JAKMIP2: variants seen among roughly 807,000 people sequenced by gnomAD.
JAKMIP2 encodes the protein janus kinase and microtubule interacting protein 2.
In JAKMIP2, 25 loss-of-function variants were observed where a neutral mutation model predicts 115.0. That is an observed-to-expected ratio of 0.22 (90% CI 0.16 to 0.30). JAKMIP2 has a LOEUF of 0.30. Ranked by LOEUF, JAKMIP2 falls within the 10% of genes least tolerant of loss-of-function variation. The probability of loss-of-function intolerance (pLI) is 1.00; values close to 1 mark genes in which losing one functional copy is unlikely to be tolerated. For missense variants in JAKMIP2, 642 were observed against 957.6 expected (o/e 0.67, Z 4.35); for synonymous variants, 334 against 343.6 (o/e 0.97, Z 0.31).
intron 1 of JAKMIP2, among the ~76,000 whole-genome samples, chr5:147,764,889 G>GGAAAGAAAGAAAGAAAGAAA (rs758768756): frequency 2.5e-4 from 15 of 60,516 alleles, no homozygotes; most frequent in African/African-American, 9.9e-4. Context: ...TGTCTAAAAG[G>GGAAAGAAAGAAAGAAAGAAA]GAAAGAAAGA....
chr5:147,689,402 A>G (rs563286634), intron 1 of JAKMIP2, among the ~76,000 whole-genome samples: 7 of 152,316 alleles, frequency 4.6e-5, no homozygotes, highest in African/African-American at 1.4e-4. Context: ...TAGTAAAAGG[A>G]GAAGACTGAG....
chr5:147,779,892 A>G (rs1755695078), intron 1 of JAKMIP2, among the ~76,000 whole-genome samples: 1 of 152,164 alleles, frequency 6.6e-6, no homozygotes, highest in Non-Finnish European at 1.5e-5. Context: ...GCTTTATCTG[A>G]TTAGCCAGTT....
At position 147,690,104 on chromosome 5, in the gene JAKMIP2, T is replaced by C. The variant is rs147154498; in HGVS notation, c.-148-18150A>G. 2.5e-3 allele frequency among the ~76,000 whole-genome samples: 385 copies of C among 152,198 alleles called. 3 individuals are homozygous for C. Among genetic ancestry groups the C allele is most frequent in the African/African-American group, 8.6e-3 (359 of 41,534 alleles). On this transcript the variant is annotated intron_variant, in intron 1 of 21. Transcript: ENST00000616793. Reference sequence around the variant, plus strand: ...GTGGCTCACACCAGTAATCCCAGCATTTTTGGAGGCTGAGGCGAGGGGATC... The same window carrying C: ...GTGGCTCACACCAGTAATCCCAGCACTTTTGGAGGCTGAGGCGAGGGGATC...
intron 1 of JAKMIP2, among the ~76,000 whole-genome samples, chr5:147,690,254 GC>G (rs1760764777): frequency 6.6e-6 from 1 of 151,932 alleles, no homozygotes; most frequent in African/African-American, 2.4e-5. Context: ...AATCACTTGA[GC>G]CCAGAAGGTT....
intron 1 of JAKMIP2, among the ~76,000 whole-genome samples, chr5:147,683,794 C>A (rs192214322): frequency 1.3e-4 from 20 of 151,964 alleles, no homozygotes; most frequent in African/African-American, 4.8e-4. Context: ...TTAAAAAAGG[C>A]AGAACAATTT....
intron 17 of JAKMIP2, among the ~76,000 whole-genome samples, chr5:147,621,703 A>T (rs1392202764): frequency 6.6e-6 from 1 of 152,230 alleles, no homozygotes; most frequent in Non-Finnish European, 1.5e-5. Flanking sequence ...TTGACATTGG[A>T]GCCTAACCTC....
chr5:147,598,694 G>A (rs1302075289), intron 21 of JAKMIP2, among the ~76,000 whole-genome samples: 3 of 152,048 alleles, frequency 2.0e-5, no homozygotes, highest in South Asian at 2.1e-4. Flanking sequence ...GGGAGCGTTC[G>A]ATGGCTTCTA....
At chr5:147,764,758 C>T (rs1263584407) in intron 1 of JAKMIP2, among the ~76,000 whole-genome samples, 5 of 151,070 alleles carry the variant, frequency 3.3e-5, no homozygotes, top group Admixed American at 2.6e-4. Flanking sequence ...TGGTGGCACA[C>T]ACCTGTAGTC....
At chr5:147,666,334 CTGAG>C (rs1481631837) in intron 2 of JAKMIP2, among the ~76,000 whole-genome samples, 1 of 151,810 alleles carries the variant, frequency 6.6e-6, no homozygotes, top group Non-Finnish European at 1.5e-5. Flanking sequence ...TAAACTATTC[CTGAG>C]TAACAATGAA....
At chr5:147,736,502 A>G (rs1753930408) in intron 1 of JAKMIP2, among the ~76,000 whole-genome samples, 1 of 152,108 alleles carries the variant, frequency 6.6e-6, no homozygotes, top group South Asian at 2.1e-4. Context: ...TTTTCTTTCA[A>G]TCATTGCCAG....
intron 12 of JAKMIP2, among the ~76,000 whole-genome samples, chr5:147,633,167 T>C (rs1184375692): frequency 1.3e-5 from 2 of 152,242 alleles, no homozygotes; most frequent in Non-Finnish European, 2.9e-5. Context: ...CAGAAATTTT[T>C]TTTAACAGCT....
chr5:147,664,012 T>G (rs1394385375), intron 2 of JAKMIP2, among the ~76,000 whole-genome samples: 2 of 152,232 alleles, frequency 1.3e-5, no homozygotes, highest in Non-Finnish European at 2.9e-5. Flanking sequence ...GTAAAATATC[T>G]CCTTTATCGT....
At chr5:147,663,678 A>G (rs1759146889) in intron 2 of JAKMIP2, among the ~76,000 whole-genome samples, 1 of 152,188 alleles carries the variant, frequency 6.6e-6, no homozygotes, top group Non-Finnish European at 1.5e-5. Flanking sequence ...CTAGAACAGT[A>G]TTTTCTAAGT....
At chr5:147,721,357 T>G (rs1031461321) in intron 1 of JAKMIP2, among the ~76,000 whole-genome samples, 6 of 152,360 alleles carry the variant, frequency 3.9e-5, no homozygotes, top group Non-Finnish European at 8.8e-5. Context: ...CAAGCCTCCT[T>G]GAGCTGTGGT....
rs148652061 is a variant in JAKMIP2, at chr5:147,712,139, T to C, written c.-148-40185A>G. On this transcript the variant is annotated intron_variant, in intron 1 of 21. Coordinates refer to ENST00000616793, the MANE Select transcript of JAKMIP2 (RefSeq NM_001270941.2). ...GTTTTCAGATCCAAATATCCCACAT[T>C]CTCACCTTGGCTTTGCCGCCTGTCT... Among the ~76,000 whole-genome samples the C allele has an allele frequency of 4.9e-3, 753 of 152,304 alleles. 16 individuals are homozygous for C. Among genetic ancestry groups the C allele is most frequent in the African/African-American group, 0.016 (668 of 41,570 alleles).
chr5:147,672,268 T>A (rs1349540335), intron 1 of JAKMIP2, among the ~76,000 whole-genome samples: 1 of 152,236 alleles, frequency 6.6e-6, no homozygotes, highest in Non-Finnish European at 1.5e-5. Flanking sequence ...TGTCACTCAC[T>A]GATACTCCAA....
At chr5:147,687,545 A>G (rs1760632712) in intron 1 of JAKMIP2, among the ~76,000 whole-genome samples, 1 of 152,220 alleles carries the variant, frequency 6.6e-6, no homozygotes, top group African/African-American at 2.4e-5. Context: ...AATTGAGTAA[A>G]TATTATGTAA....
At chr5:147,736,153 A>C (rs1753913198) in intron 1 of JAKMIP2, among the ~76,000 whole-genome samples, 1 of 152,116 alleles carries the variant, frequency 6.6e-6, no homozygotes. Flanking sequence ...TTTCCTGATT[A>C]ATTAAAATTA....
intron 5 of JAKMIP2, among the ~76,000 whole-genome samples, 186 bp from the exon 6 acceptor site, chr5:147,645,182 C>T (rs962935592): frequency 6.6e-6 from 1 of 152,128 alleles, no homozygotes; most frequent in African/African-American, 2.4e-5. Context: ...TCAGTTTTCT[C>T]TAACGGTTTT....
Sources: gnomAD v4.1 joint callset for allele counts (sites outside exome capture counted in the v4.1 genomes callset) on GRCh38, gnomAD v4.1.1 for gene constraint, MANE v1.5 for transcripts, NCBI Gene and HGNC (gene_info 2026-07-23, HGNC 2026-07-21) for gene names.